The following TXLNB variants were observed in gnomAD, a reference collection of about 807,000 sequenced individuals.
TXLNB encodes beta-taxilin.
Under a neutral mutation model 57.4 loss-of-function variants are expected in TXLNB, and 37 were observed. The ratio of observed to expected loss-of-function variants is 0.64; its 90% CI spans 0.50 to 0.85. TXLNB has a LOEUF of 0.85. Among genes scored for constraint, TXLNB ranks in the 40% least tolerant of loss-of-function variants. The pLI is 0.00. For synonymous variants in TXLNB, 302 were observed against 309.6 expected, an observed-to-expected ratio of 0.98 and a Z score of 0.26; for missense variants, 848 against 825.6, an observed-to-expected ratio of 1.03 and a Z score of -0.33.
chr6:139,318,269 C>CA, the TXLNB span, among the ~76,000 whole-genome samples: 2,501 of 55,884 alleles, frequency 0.045, 86 homozygotes, highest in African/African-American at 0.098. Flanking sequence ...GACTCTGTCT[C>CA]AAAAAAAAAA....
Position 139,243,270 on chromosome 6 carries a change from G to T in TXLNB, c.1311C>A (p.Ile437=), listed in dbSNP as rs1396707571. ...AKEYECFVMK[I]GRLENLCRAL... is the part of the protein sequence containing the mutation. ...CACGGCAGAGGTTCTCTAGCCTCCC[G>T]ATTTTCATCACAAAGCACTCATATT... is the stretch of plus-strand genomic sequence containing the variant. Residue 437 remains isoleucine (I), a synonymous_variant, in exon 10 of 10, where the codon ATC becomes ATA. Coordinates refer to ENST00000358430, the MANE Select transcript of TXLNB (RefSeq NM_153235.4). The T allele has an allele frequency of 2.6e-5, 42 of 1,612,836 alleles. No homozygotes were observed. Among genetic ancestry groups the T allele is most frequent in the Non-Finnish European group, 3.3e-5 (39 of 1,179,964 alleles).
chr6:139,223,548 T>G, the TXLNB span, among the ~76,000 whole-genome samples: 2 of 152,154 alleles, frequency 1.3e-5, no homozygotes, highest in South Asian at 2.1e-4. Flanking sequence ...CCTACTCATC[T>G]GACAAAGGGC....
At chr6:139,178,202 C>T in the TXLNB span, 1 of 152,010 alleles carries the variant, frequency 6.6e-6, no homozygotes, top group African/African-American at 2.4e-5. Flanking sequence ...AAAAATAGAC[C>T]ATTCTAAAAA....
the TXLNB span, among the ~76,000 whole-genome samples, chr6:139,232,549 C>A: frequency 1.1e-4 from 16 of 152,286 alleles, no homozygotes; most frequent in Middle Eastern, 6.8e-3. Context: ...TATGGGATTT[C>A]TGAATACTTT....
At chr6:139,263,502 C>A (rs544910910) in intron 4 of TXLNB, among the ~76,000 whole-genome samples, 2 of 152,288 alleles carry the variant, frequency 1.3e-5, no homozygotes, top group South Asian at 4.1e-4. Flanking sequence ...TCTTCTTTAA[C>A]TCTAAAGTGA....
chr6:139,318,867 CA>C, the TXLNB span, among the ~76,000 whole-genome samples: 1 of 150,330 alleles, frequency 6.7e-6, no homozygotes, highest in Non-Finnish European at 1.5e-5. Context: ...GATGAATTCA[CA>C]AATGGTAGTT....
chr6:139,248,701 G>A (rs976393253), intron 7 of TXLNB, among the ~76,000 whole-genome samples: 5 of 152,194 alleles, frequency 3.3e-5, no homozygotes, highest in Non-Finnish European at 7.4e-5. Flanking sequence ...ACATAGTCAA[G>A]TCAGTTAAGG....
chr6:139,313,814 A>G, the TXLNB span, among the ~76,000 whole-genome samples: 1 of 152,086 alleles, frequency 6.6e-6, no homozygotes, highest in Non-Finnish European at 1.5e-5. Flanking sequence ...AAGCCCCCCA[A>G]CCGACTGAAT....
At chr6:139,321,587 C>T in the TXLNB span, among the ~76,000 whole-genome samples, 8 of 134,088 alleles carry the variant, frequency 6.0e-5, no homozygotes, top group Admixed American at 2.3e-4. Flanking sequence ...TATACAGAGA[C>T]TTCTGAAAAC....
At chr6:139,226,720 G>C in the TXLNB span, among the ~76,000 whole-genome samples, 122 of 152,246 alleles carry the variant, frequency 8.0e-4, 2 homozygotes, top group East Asian at 0.021. Flanking sequence ...TTAGTCATCA[G>C]GAAAGGCCAA....
At chr6:139,262,534 A>G (rs779913007) in intron 5 of TXLNB, 45 bp downstream of exon 5, 17 of 1,487,944 alleles carry the variant, frequency 1.1e-5, no homozygotes, top group Non-Finnish European at 1.5e-5. Context: ...TAGCTCCCAG[A>G]TCCGGATCTA....
the TXLNB span, chr6:139,203,430 T>C: frequency 6.6e-6 from 1 of 152,228 alleles, no homozygotes; most frequent in Non-Finnish European, 1.5e-5. Flanking sequence ...CAATGTCCCA[T>C]AATTGCTAAA....
the TXLNB span, among the ~76,000 whole-genome samples, chr6:139,205,095 C>T: frequency 6.6e-6 from 1 of 152,194 alleles, no homozygotes; most frequent in Admixed American, 6.5e-5. Flanking sequence ...GAATACTTCC[C>T]CTGGCCAACT....
the TXLNB span, among the ~76,000 whole-genome samples, chr6:139,322,771 G>C: frequency 6.6e-6 from 1 of 152,120 alleles, no homozygotes; most frequent in East Asian, 1.9e-4. Context: ...TATCCCCCTT[G>C]TTCCTTCTTT....
upstream of TXLNB, among the ~76,000 whole-genome samples, chr6:139,295,903 C>T (rs1777380717): frequency 6.6e-6 from 1 of 152,136 alleles, no homozygotes; most frequent in African/African-American, 2.4e-5. Flanking sequence ...ATTGAGAATA[C>T]TCTGTCTTCC....
At chr6:139,234,580 G>C in the TXLNB span, 1 of 152,330 alleles carries the variant, frequency 6.6e-6, no homozygotes, top group Non-Finnish European at 1.5e-5. Flanking sequence ...GCCTGTGGGT[G>C]CACAGAAGTC....
chr6:139,161,824 T>C, the TXLNB span, among the ~76,000 whole-genome samples: 1 of 152,250 alleles, frequency 6.6e-6, no homozygotes, highest in Non-Finnish European at 1.5e-5. Context: ...GCTCTTCATC[T>C]GAAGGATCAA....
the TXLNB span, among the ~76,000 whole-genome samples, chr6:139,302,278 G>C: frequency 6.7e-6 from 1 of 149,846 alleles, no homozygotes; most frequent in South Asian, 2.1e-4. Context: ...GCCAACAAAG[G>C]GATTAGAAAC....
At chr6:139,218,729 G>A in the TXLNB span, among the ~76,000 whole-genome samples, 1 of 151,936 alleles carries the variant, frequency 6.6e-6, no homozygotes, top group African/African-American at 2.4e-5. Flanking sequence ...TTTAGCCTGG[G>A]TGGCAGAGCA....
Sources: gnomAD v4.1 joint callset for allele counts (sites outside exome capture counted in the v4.1 genomes callset) on GRCh38, gnomAD v4.1.1 for gene constraint, MANE v1.5 for transcripts, NCBI Gene and HGNC (gene_info 2026-07-23, HGNC 2026-07-21) for gene names.